The following TBCA variants were observed in gnomAD, a reference collection of about 807,000 sequenced individuals.
TBCA encodes the protein tubulin-specific chaperone A.
In TBCA, 6 loss-of-function variants were observed where a neutral mutation model predicts 15.8. The ratio of observed to expected loss-of-function variants is 0.38; its 90% CI spans 0.21 to 0.75. The LOEUF is 0.75. TBCA is among the 30% of genes least tolerant of loss of function. The probability of loss-of-function intolerance (pLI) is 0.46; values close to 1 mark genes in which losing one functional copy is unlikely to be tolerated. For missense variants in TBCA, 90 were observed against 131.2 expected (o/e 0.69, Z 1.53); for synonymous variants, 32 against 42.3 (o/e 0.76, Z 0.94).
chr5:77,734,569 T>A (rs1265793090), intron 1 of TBCA, among the ~76,000 whole-genome samples: 2 of 152,180 alleles, frequency 1.3e-5, no homozygotes, highest in African/African-American at 4.8e-5. Context: ...TACAGTCTCA[T>A]GATAAAATTT....
At chr5:77,698,111 C>T (rs1438349487) in intron 2 of TBCA, among the ~76,000 whole-genome samples, 1 of 150,890 alleles carries the variant, frequency 6.6e-6, no homozygotes, top group African/African-American at 2.4e-5. Flanking sequence ...CAGAGTGAAA[C>T]CCTGTCTCAA....
chr5:77,704,299 A>G (rs1746093768), intron 2 of TBCA, among the ~76,000 whole-genome samples: 1 of 152,202 alleles, frequency 6.6e-6, no homozygotes. Flanking sequence ...AACCAAAATT[A>G]TAACTAGTCC....
intron 1 of TBCA, among the ~76,000 whole-genome samples, chr5:77,744,531 CTTTTTTT>C (rs70991305): frequency 4.8e-5 from 4 of 82,966 alleles, no homozygotes; most frequent in East Asian, 3.5e-4. Flanking sequence ...TCTTATTCAC[CTTTTTTT>C]TTTTTTTTTT....
At chr5:77,732,034 G>T (rs954247409) in intron 1 of TBCA, among the ~76,000 whole-genome samples, 3 of 152,094 alleles carry the variant, frequency 2.0e-5, no homozygotes, top group Non-Finnish European at 2.9e-5. Context: ...TCTCTGGGAC[G>T]TTGCTTTGCG....
At chr5:77,720,928 G>C (rs1746516984) in intron 1 of TBCA, among the ~76,000 whole-genome samples, 1 of 152,142 alleles carries the variant, frequency 6.6e-6, no homozygotes, top group Non-Finnish European at 1.5e-5. Flanking sequence ...TAGAGTATTA[G>C]GAGAGGAATA....
chr5:77,699,992 C>A (rs1031253784), intron 2 of TBCA, among the ~76,000 whole-genome samples: 1 of 143,486 alleles, frequency 7.0e-6, no homozygotes, highest in East Asian at 2.0e-4. Flanking sequence ...GAGCTGAGAT[C>A]GCACCACTGC....
At chr5:77,708,414 T>A (rs1182556460) in intron 1 of TBCA, 67 bp from the exon 2 acceptor site, 2 of 912,388 alleles carry the variant, frequency 2.2e-6, no homozygotes, top group Admixed American at 5.0e-5. Flanking sequence ...AGAAACTGTG[T>A]AAATATAAAA....
At chr5:77,760,924 G>A (rs538320142) in intron 1 of TBCA, among the ~76,000 whole-genome samples, 61 of 147,868 alleles carry the variant, frequency 4.1e-4, no homozygotes, top group Middle Eastern at 3.5e-3. Context: ...GCCACCCATC[G>A]TCTGGGAAGG....
At chr5:77,775,933 G>A (rs1443486874) in intron 1 of TBCA, among the ~76,000 whole-genome samples, 1 of 152,160 alleles carries the variant, frequency 6.6e-6, no homozygotes, top group African/African-American at 2.4e-5. Flanking sequence ...TCCCACCGCG[G>A]GCGCCGAGAA....
intron 1 of TBCA, among the ~76,000 whole-genome samples, chr5:77,755,349 T>C (rs460407): frequency 0.55 from 83,223 of 151,336 alleles, 22,833 homozygotes; most frequent in Admixed American, 0.6. Flanking sequence ...GAGGCCAAGG[T>C]GAGCAGATCA....
intron 1 of TBCA, among the ~76,000 whole-genome samples, chr5:77,773,645 C>T (rs1166447947): frequency 1.3e-5 from 2 of 152,202 alleles, no homozygotes; most frequent in Admixed American, 1.3e-4. Flanking sequence ...CACATGGTCT[C>T]CTTATTGCCT....
intron 2 of TBCA, among the ~76,000 whole-genome samples, chr5:77,700,190 G>A (rs1283702439): frequency 6.6e-6 from 1 of 152,076 alleles, no homozygotes; most frequent in African/African-American, 2.4e-5. Context: ...GGGCGACCAA[G>A]CAAGATTCTG....
intron 1 of TBCA, among the ~76,000 whole-genome samples, chr5:77,746,225 TC>T (rs1561278483): frequency 6.6e-6 from 1 of 151,900 alleles, no homozygotes; most frequent in Non-Finnish European, 1.5e-5. Context: ...GCTCAGGAGT[TC>T]CAGACTAGAC....
At chr5:77,738,744 G>A (rs1186762008) in intron 1 of TBCA, among the ~76,000 whole-genome samples, 2 of 152,108 alleles carry the variant, frequency 1.3e-5, no homozygotes, top group Non-Finnish European at 2.9e-5. Flanking sequence ...CACCACGCCT[G>A]GCTAATTTTT....
intron 2 of TBCA, chr5:77,705,745 T>A (rs1349277549): frequency 5.1e-6 from 2 of 393,160 alleles, no homozygotes; most frequent in Non-Finnish European, 9.0e-6. Context: ...GGAGGATCAC[T>A]TGAACCCAGG....
intron 1 of TBCA, among the ~76,000 whole-genome samples, chr5:77,750,039 G>A (rs539961380): frequency 5.3e-5 from 8 of 151,976 alleles, no homozygotes; most frequent in South Asian, 4.2e-4. Flanking sequence ...AATGATGTTC[G>A]CTCCAGGAGG....
chr5:77,724,958 TA>T (rs1195341721), intron 1 of TBCA, among the ~76,000 whole-genome samples: 1 of 152,204 alleles, frequency 6.6e-6, no homozygotes, highest in African/African-American at 2.4e-5. Context: ...AATCAACTAT[TA>T]AAAGACTGTC....
intron 2 of TBCA, among the ~76,000 whole-genome samples, chr5:77,696,400 T>C (rs1745871862): frequency 6.6e-6 from 1 of 152,140 alleles, no homozygotes; most frequent in Non-Finnish European, 1.5e-5. Context: ...GCTAAATGAG[T>C]AAGATTGTAA....
chr5:77,772,855 G>A (rs1747944921), intron 1 of TBCA, among the ~76,000 whole-genome samples: 2 of 152,144 alleles, frequency 1.3e-5, no homozygotes, highest in Non-Finnish European at 2.9e-5. Flanking sequence ...CTTCTGAAAA[G>A]TCAAAAACTT....
Sources: gnomAD v4.1 joint callset for allele counts (sites outside exome capture counted in the v4.1 genomes callset) on GRCh38, gnomAD v4.1.1 for gene constraint, MANE v1.5 for transcripts, NCBI Gene and HGNC (gene_info 2026-07-23, HGNC 2026-07-21) for gene names.